The following CDK7 variants were observed in gnomAD, a reference collection of about 807,000 sequenced individuals.
CDK7 encodes cyclin-dependent kinase 7.
In CDK7, 25 loss-of-function variants were observed where a neutral mutation model predicts 49.1. The observed-to-expected ratio is 0.51, with a 90% CI of 0.37 to 0.71. CDK7 has a LOEUF of 0.71. Among genes scored for constraint, CDK7 ranks in the 30% least tolerant of loss-of-function variants. CDK7 has a pLI of 0.00. For missense variants in CDK7, 316 were observed against 411.7 expected (o/e 0.77, Z 2.01); for synonymous variants, 107 against 140.0 (o/e 0.76, Z 1.67).
intron 10 of CDK7, 48 bp downstream of exon 10, chr5:69,273,089 A>T: frequency 8.0e-7 from 1 of 1,250,910 alleles, no homozygotes; most frequent in Non-Finnish European, 1.1e-6. Context: ...AAATAATCTT[A>T]ACTGTAGCAT....
At chr5:69,275,921 A>G (rs2150246210) in intron 10 of CDK7, among the ~76,000 whole-genome samples, 1 of 152,360 alleles carries the variant, frequency 6.6e-6, no homozygotes, top group East Asian at 1.9e-4. Flanking sequence ...TGTATATGCA[A>G]ATATTCCACA....
At chr5:69,260,370 CA>C (rs967317935) in intron 7 of CDK7, among the ~76,000 whole-genome samples, 40 of 146,414 alleles carry the variant, frequency 2.7e-4, no homozygotes, top group African/African-American at 9.2e-4. Context: ...AAAAAACAAA[CA>C]AAAAAAAAAC....
At chr5:69,273,996 T>C (rs1245524109) in intron 10 of CDK7, among the ~76,000 whole-genome samples, 5 of 152,198 alleles carry the variant, frequency 3.3e-5, no homozygotes, top group African/African-American at 1.2e-4. Flanking sequence ...AAAATTTTTC[T>C]TTATTATTTT....
intron 10 of CDK7, among the ~76,000 whole-genome samples, chr5:69,275,078 A>C (rs1196383080): frequency 6.6e-6 from 1 of 151,994 alleles, no homozygotes; most frequent in Non-Finnish European, 1.5e-5. Context: ...AAAAAAAAAA[A>C]AGACAAGCAT....
At chr5:69,273,579 CAAA>C (rs1232840887) in intron 10 of CDK7, among the ~76,000 whole-genome samples, 1 of 152,040 alleles carries the variant, frequency 6.6e-6, no homozygotes, top group South Asian at 2.1e-4. Flanking sequence ...TGAAATAAAA[CAAA>C]AACTGAAACT....
chr5:69,246,722 T>C (rs940784023), intron 2 of CDK7, among the ~76,000 whole-genome samples: 2 of 151,244 alleles, frequency 1.3e-5, no homozygotes, highest in South Asian at 2.1e-4. Flanking sequence ...TTTTTTTTCA[T>C]GTAGGCAGTT....
chr5:69,241,772 A>G, intron 2 of CDK7, among the ~76,000 whole-genome samples: 1 of 152,068 alleles, frequency 6.6e-6, no homozygotes, highest in East Asian at 1.9e-4. Context: ...TTTTTTTCAT[A>G]TAGAGTTGTT....
chr5:69,249,956 T>C (rs1750031898), intron 2 of CDK7, among the ~76,000 whole-genome samples: 1 of 152,262 alleles, frequency 6.6e-6, no homozygotes, highest in African/African-American at 2.4e-5. Context: ...ATTTACCTGA[T>C]AGGATTCTGA....
rs1322679107 is a variant in CDK7, at chr5:69,238,366, C to G, written c.126+2913C>G. 4.6e-5 allele frequency among the ~76,000 whole-genome samples: 7 copies of G among 151,160 alleles called. No homozygotes were observed. The South Asian group carries it at 1.5e-3, about 32-fold the overall frequency. ...GTGGTACAATCATAGCTCACTGAAG[C>G]CTTGACCTCCTGGTCTCAAGCATTC... is the stretch of plus-strand genomic sequence containing the variant. On this transcript the variant is annotated intron_variant, in intron 2 of 11. Transcript: ENST00000256443.
chr5:69,248,586 C>T (rs1351374504), intron 2 of CDK7, among the ~76,000 whole-genome samples: 2 of 151,990 alleles, frequency 1.3e-5, no homozygotes, highest in East Asian at 3.9e-4. Context: ...CGGGGTTTCT[C>T]CATGTTGGTC....
chr5:69,266,905 T>C (rs1417720724), intron 8 of CDK7, among the ~76,000 whole-genome samples: 1 of 152,130 alleles, frequency 6.6e-6, no homozygotes, highest in Non-Finnish European at 1.5e-5. Flanking sequence ...TAATTTTGGC[T>C]CTGCACTGAG....
chr5:69,235,145 T>C, intron 1 of CDK7, 104 bp downstream of exon 1: 1 of 1,136,284 alleles, frequency 8.8e-7, no homozygotes, highest in Non-Finnish European at 1.3e-6. Context: ...GCTTGGCTGC[T>C]CGTTCTCGTT....
intron 2 of CDK7, among the ~76,000 whole-genome samples, chr5:69,252,193 T>C (rs1750185368): frequency 6.6e-6 from 1 of 152,198 alleles, no homozygotes; most frequent in African/African-American, 2.4e-5. Context: ...GAATGTGTAG[T>C]TCAGAAACTT....
At chr5:69,240,999 G>T (rs948697514) in intron 2 of CDK7, among the ~76,000 whole-genome samples, 4 of 152,082 alleles carry the variant, frequency 2.6e-5, no homozygotes, top group African/African-American at 9.7e-5. Flanking sequence ...GTTGACAGAC[G>T]CATAGATTGC....
At chr5:69,245,776 G>A (rs1357711284) in intron 2 of CDK7, among the ~76,000 whole-genome samples, 2 of 152,044 alleles carry the variant, frequency 1.3e-5, no homozygotes, top group African/African-American at 4.8e-5. Context: ...GTTCAATCTT[G>A]GTAGGTTGTT....
At chr5:69,254,392 C>T (rs1407251185) in intron 3 of CDK7, among the ~76,000 whole-genome samples, 5 of 151,612 alleles carry the variant, frequency 3.3e-5, no homozygotes, top group African/African-American at 9.7e-5. Flanking sequence ...CGTGGTGGCG[C>T]GTGCCTGTAA....
At chr5:69,255,615 G>C in intron 5 of CDK7, 87 bp downstream of exon 5, 1 of 960,270 alleles carries the variant, frequency 1.0e-6, no homozygotes, top group Non-Finnish European at 1.7e-6. Context: ...AGAAGATACT[G>C]GTAGTAAAAG....
intron 4 of CDK7, among the ~76,000 whole-genome samples, chr5:69,255,248 T>A (rs1451164774): frequency 1.3e-5 from 2 of 152,366 alleles, no homozygotes; most frequent in East Asian, 3.9e-4. Context: ...GGTATTTTTT[T>A]AAGTAAAATT....
At chr5:69,246,649 G>T (rs185322324) in intron 2 of CDK7, among the ~76,000 whole-genome samples, 50 of 149,200 alleles carry the variant, frequency 3.4e-4, no homozygotes, top group African/African-American at 1.2e-3. Flanking sequence ...GGATTGGTTT[G>T]CTCCTGCTTT....
Sources: gnomAD v4.1 joint callset for allele counts (sites outside exome capture counted in the v4.1 genomes callset) on GRCh38, gnomAD v4.1.1 for gene constraint, MANE v1.5 for transcripts, NCBI Gene and HGNC (gene_info 2026-07-23, HGNC 2026-07-21) for gene names.